KDELR1: variants seen among roughly 807,000 people sequenced by gnomAD.
KDELR1 encodes KDEL endoplasmic reticulum protein retention receptor 1.
In KDELR1, 16 loss-of-function variants were observed where a neutral mutation model predicts 25.5. That is an observed-to-expected ratio of 0.63 (90% CI 0.43 to 0.95). The LOEUF (loss-of-function observed/expected upper bound fraction) is 0.95, where lower values mean the gene tolerates loss of function less well. KDELR1 is among the 40% of genes least tolerant of loss of function. The pLI is 0.00. For missense variants in KDELR1, 159 were observed against 265.2 expected, an observed-to-expected ratio of 0.60 and a Z score of 2.78; for synonymous variants, 121 against 115.0, an observed-to-expected ratio of 1.05 and a Z score of -0.33.
In KDELR1 at chr19:48,391,261, C is replaced by A. The variant is rs1034630298; in HGVS notation, c.91+7G>T. 2 of 1,552,580 alleles carry A rather than the reference C, an allele frequency of 1.3e-6. No individual in the cohort carries two copies. The highest frequency in any genetic ancestry group is 1.7e-6 in the Non-Finnish European group (2 of 1,147,568). ...CTCTCCTTCGCCAGCCCTGGTGGGC[C>A]TCTCACCGGCGCACGAGCGGGACTT... On this transcript the variant is annotated splice_region_variant and intron_variant, in intron 1 of 4. Coordinates refer to ENST00000330720, the MANE Select transcript of KDELR1 (RefSeq NM_006801.3).
At chr19:48,392,699 C>G (rs1021094735), upstream of KDELR1, among the ~76,000 whole-genome samples, 7 of 152,110 alleles carry the variant, frequency 4.6e-5, no homozygotes, top group East Asian at 5.8e-4. Context: ...GGCTCAAGGC[C>G]AAAACTCTGA....
rs1340329970 is a variant in KDELR1, at chr19:48,391,222, C to A, written c.91+46G>T. The A allele has an allele frequency of 2.6e-6, 4 of 1,520,298 alleles. No individual in the cohort carries two copies. In the Admixed American group the frequency reaches 7.9e-5, roughly 30 times the overall value. 94.2% of individuals were successfully genotyped at this position (1,520,298 alleles called of 1,614,324 possible). ...CTGAGTCCTGCGACGTCCCCCAACC[C>A]CCGCCCGCAATCTCTCTCCTTCGCC... On this transcript the variant is annotated intron_variant, in intron 1 of 4. Transcript: ENST00000330720.
intron 3 of KDELR1, among the ~76,000 whole-genome samples, chr19:48,388,755 G>A (rs1970515560): frequency 7.1e-6 from 1 of 139,938 alleles, no homozygotes; most frequent in Non-Finnish European, 1.5e-5. Context: ...AAGGAAAGAA[G>A]AAAGAAAGGA....
chr19:48,396,928 G>A, the KDELR1 span, among the ~76,000 whole-genome samples: 3 of 152,120 alleles, frequency 2.0e-5, no homozygotes, highest in Admixed American at 6.5e-5. Context: ...GGAACCAGGA[G>A]TCCAGACTCC....
At chr19:48,390,822 C>T (rs1456773989) in intron 1 of KDELR1, 2 of 448,436 alleles carry the variant, frequency 4.5e-6, no homozygotes, top group Non-Finnish European at 8.1e-6. Context: ...GGCCTCATGG[C>T]TACCCCTGGC....
At chr19:48,385,835 C>T (rs372408768) in intron 3 of KDELR1, among the ~76,000 whole-genome samples, 2 of 152,316 alleles carry the variant, frequency 1.3e-5, no homozygotes, top group African/African-American at 2.4e-5. Flanking sequence ...TGAGCCTTAA[C>T]CCCATGAGGT....
rs1319929970 is a variant in KDELR1, at chr19:48,383,187, A to G, written c.*106T>C. 8.5e-7 allele frequency: 1 copy of G among 1,180,690 alleles called. No individual in the cohort carries two copies. Among genetic ancestry groups the G allele is most frequent in the East Asian group, 2.5e-5 (1 of 39,216 alleles). 73.1% of individuals were successfully genotyped at this position (1,180,690 alleles called of 1,614,324 possible). On this transcript the variant is annotated 3_prime_UTR_variant, in exon 5 of 5. Coordinates refer to ENST00000330720, the MANE Select transcript of KDELR1 (RefSeq NM_006801.3). ...CAGGAGGCGGGATGGGGAGCACAAGAGGTGGGTTCTTAAAAAAGTCACCCC... is the reference window on the plus strand; with the variant it reads ...CAGGAGGCGGGATGGGGAGCACAAGGGGTGGGTTCTTAAAAAAGTCACCCC...
At position 48,383,033 on chromosome 19, in the gene KDELR1, G is replaced by A. The variant is rs751350753; in HGVS notation, c.*260C>T. The A allele has an allele frequency of 1.8e-6, 1 of 543,812 alleles. No homozygotes were observed. Among genetic ancestry groups the A allele is most frequent in the Non-Finnish European group, 3.3e-6 (1 of 305,804 alleles). The allele number at this position is 543,812 out of a possible 1,614,324, so 33.7% of individuals were successfully genotyped here. On this transcript the variant is annotated 3_prime_UTR_variant, in exon 5 of 5. Coordinates refer to ENST00000330720, the MANE Select transcript of KDELR1 (RefSeq NM_006801.3). The stretch of plus-strand genomic sequence containing the variant: ...TGGGGCCACAGAGTAGAAGAAAAAC[G>A]AGTCATCAGAATCAAAAACTAAAGA...
intron 1 of KDELR1, 55 bp from the exon 2 acceptor site, chr19:48,390,579 GAC>G (rs3837953): frequency 2.5e-4 from 241 of 970,258 alleles, no homozygotes; most frequent in African/African-American, 3.8e-4. Context: ...GAGAGAGAGA[GAC>G]AGACAGACAG....
upstream of KDELR1, among the ~76,000 whole-genome samples, chr19:48,393,830 C>T (rs953945564): frequency 1.3e-5 from 2 of 151,934 alleles, no homozygotes; most frequent in African/African-American, 4.8e-5. This position sits in a 1 kb window ranked among gnomAD's most constrained non-coding sequence, Gnocchi z 5.6. Context: ...TAGGTCGGCC[C>T]GGCCCCCAGG....
In KDELR1 at chr19:48,382,657, T is replaced by C. The variant is rs1417515413; in HGVS notation, c.*636A>G. ...AAAACATGGTGTGAGAGCCATGGGA[T>C]CCTCGGGCCAGCCCCCTTCCCGCAC... On this transcript the variant is annotated 3_prime_UTR_variant, in exon 5 of 5. Transcript: ENST00000330720. 1 of 153,002 alleles carries C rather than the reference T, an allele frequency of 6.5e-6. No homozygotes were observed. The highest frequency in any genetic ancestry group is 2.4e-5 in the African/African-American group (1 of 41,406). The allele number at this position is 153,002 out of a possible 1,614,324, so 9.5% of individuals were successfully genotyped here.
upstream of KDELR1, chr19:48,391,625 C>T: frequency 2.1e-6 from 1 of 475,624 alleles, no homozygotes; most frequent in Non-Finnish European, 3.8e-6. Flanking sequence ...GGATCCCCGG[C>T]GCCCCCTATC....
chr19:48,387,701 A>G (rs1434239429), intron 3 of KDELR1: 1 of 151,928 alleles, frequency 6.6e-6, no homozygotes, highest in Non-Finnish European at 1.5e-5. Context: ...AAAAAAAAAA[A>G]AAAAGAAATA....
intron 1 of KDELR1, 79 bp from the exon 2 acceptor site, chr19:48,390,603 G>A (rs1247995331): frequency 9.3e-7 from 1 of 1,078,140 alleles, no homozygotes; most frequent in African/African-American, 1.6e-5. Context: ...CAGACAGACA[G>A]AAGGAGAGAG....
chr19:48,388,161 A>C (rs1970510785), intron 3 of KDELR1, among the ~76,000 whole-genome samples: 1 of 152,194 alleles, frequency 6.6e-6, no homozygotes, highest in African/African-American at 2.4e-5. Context: ...AGATGAGGAA[A>C]CTGAGGCACA....
chr19:48,392,291 A>C (rs866458194), upstream of KDELR1, among the ~76,000 whole-genome samples: 960 of 16,798 alleles, frequency 0.057, 2 homozygotes, highest in Admixed American at 0.085. Flanking sequence ...GACCCCCAGC[A>C]CCTCCTCCCT....
In KDELR1 at chr19:48,389,613, G is replaced by A. The variant is rs142422315; in HGVS notation, c.291C>T (p.Phe97=). ...CCAGAATGGCTGTGGGAACGACCAG[G>A]AACTCCACTCTGAACGTGTCATGGT... ...DGNHDTFRVE[F]LVVPTAILAF... is the part of the protein sequence containing the mutation. The change falls in exon 3 of 5, where the codon TTC becomes TTT. Residue 97 remains phenylalanine (F), a synonymous_variant. Coordinates refer to ENST00000330720, the MANE Select transcript of KDELR1 (RefSeq NM_006801.3). The A allele has an allele frequency of 3.7e-6, 6 of 1,614,118 alleles. No individual in the cohort carries two copies. The highest frequency in any genetic ancestry group is 5.1e-6 in the Non-Finnish European group (6 of 1,179,990).
Position 48,384,186 on chromosome 19 carries a change from C to T in KDELR1, c.604+44G>A. 1 of 1,607,138 alleles carries T rather than the reference C, an allele frequency of 6.2e-7. No homozygotes were observed. The highest frequency in any genetic ancestry group is 8.5e-7 in the Non-Finnish European group (1 of 1,174,966). On this transcript the variant is annotated intron_variant, in intron 4 of 4. Transcript: ENST00000330720. The surrounding 1 kb of genome is among the most constrained non-coding windows in gnomAD (Gnocchi z 4.6). ...CAGTCCCCAGGGAGGGCAGGAGCTGCAGAAATAGGAGGTTCCCTTCCAGCC... is the reference window on the plus strand; with the variant it reads ...CAGTCCCCAGGGAGGGCAGGAGCTGTAGAAATAGGAGGTTCCCTTCCAGCC...
At chr19:48,390,377 G>A (rs750679211) in intron 2 of KDELR1, 47 bp downstream of exon 2, 5 of 1,403,590 alleles carry the variant, frequency 3.6e-6, no homozygotes, top group South Asian at 2.3e-5. Context: ...CCCACACCCG[G>A]CTCCTCTGCC....
Sources: gnomAD v4.1 joint callset for allele counts (sites outside exome capture counted in the v4.1 genomes callset) on GRCh38, gnomAD v4.1.1 for gene constraint, Gnocchi (gnomAD v3.1) non-coding constraint, MANE v1.5 for transcripts, NCBI Gene and HGNC (gene_info 2026-07-23, HGNC 2026-07-21) for gene names.